Variants in SMIM13 observed in about 807,000 individuals in gnomAD.
SMIM13 encodes UPF0766 protein C6orf228.
A neutral mutation model predicts 5.9 loss-of-function variants in SMIM13; 3 were observed. The observed-to-expected ratio is 0.51, with a 90% confidence interval of 0.23 to 1.31. The LOEUF (loss-of-function observed/expected upper bound fraction) is 1.31. Among genes scored for constraint, SMIM13 ranks in the 40% most tolerant of loss-of-function variants. The pLI is 0.18. For synonymous variants in SMIM13, 55 were observed against 46.0 expected (o/e 1.19, Z -0.79); for missense variants, 85 against 109.9 (o/e 0.77, Z 1.01).
At chr6:11,113,197 CTT>C (rs1193244418) in intron 1 of SMIM13, among the ~76,000 whole-genome samples, 2 of 152,220 alleles carry the variant, frequency 1.3e-5, no homozygotes, top group Non-Finnish European at 2.9e-5. Context: ...TTTCATTTCT[CTT>C]GAGTAACTTC....
chr6:11,105,332 C>A, intron 1 of SMIM13: 2 of 1,577,806 alleles, frequency 1.3e-6, no homozygotes, highest in South Asian at 1.1e-5. Context: ...AGAAACTGGT[C>A]ACAAAACGAG....
intron 1 of SMIM13, chr6:11,104,546 T>G: frequency 6.3e-7 from 1 of 1,591,206 alleles, no homozygotes; most frequent in South Asian, 1.1e-5. Context: ...CTGCTAAGAC[T>G]TGGACGCAGG....
intron 1 of SMIM13, among the ~76,000 whole-genome samples, chr6:11,114,237 C>T (rs868694110): frequency 2.0e-5 from 3 of 152,086 alleles, no homozygotes; most frequent in South Asian, 2.1e-4. Flanking sequence ...GCCTCGCCCT[C>T]CCAAAGTGTT....
chr6:11,112,480 T>C (rs1758182620), intron 1 of SMIM13, among the ~76,000 whole-genome samples: 1 of 152,232 alleles, frequency 6.6e-6, no homozygotes, highest in Non-Finnish European at 1.5e-5. Flanking sequence ...CTTGAACTCC[T>C]GACCTCAAGT....
chr6:11,135,414 C>CAAA lies in SMIM13; in HGVS notation c.*814_*816dup, dbSNP rs1394785901. On this transcript the variant is annotated 3_prime_UTR_variant, in exon 2 of 2. Coordinates refer to ENST00000416247, the MANE Select transcript of SMIM13 (RefSeq NM_001135575.2). ...TGCAATTGAAGGCAGGAGAAGTTGC[C>CAAA]AAAACCCTAGGAATTGATGAAACAA... The CAAA allele has an allele frequency of 6.6e-6, 1 of 152,522 alleles. No homozygotes were observed. The highest frequency in any genetic ancestry group is 2.4e-5 in the African/African-American group (1 of 41,402). The allele number at this position is 152,522 out of a possible 1,614,324, so 9.4% of individuals were successfully genotyped here.
chr6:11,098,517 C>T (rs957288528), intron 1 of SMIM13, among the ~76,000 whole-genome samples: 14 of 152,214 alleles, frequency 9.2e-5, no homozygotes, highest in African/African-American at 3.4e-4. Flanking sequence ...ACTGCAACTT[C>T]TACTCCTGGG....
intron 1 of SMIM13, among the ~76,000 whole-genome samples, chr6:11,117,820 G>A (rs1322103641): frequency 2.7e-5 from 4 of 150,776 alleles, no homozygotes; most frequent in South Asian, 2.1e-4. Context: ...CAAGATCTCC[G>A]CTCACTGCGA....
intron 1 of SMIM13, among the ~76,000 whole-genome samples, chr6:11,129,498 G>T (rs888342200): frequency 6.6e-6 from 1 of 152,202 alleles, no homozygotes; most frequent in Admixed American, 6.5e-5. Flanking sequence ...GAGCATGTAT[G>T]CAGATATCTC....
Position 11,125,411 on chromosome 6 carries a change from C to T in SMIM13, c.77-8992C>T, listed in dbSNP as rs575452921. Among the ~76,000 whole-genome samples the T allele has an allele frequency of 1.9e-3, 288 of 151,522 alleles. 1 individual carries two copies. The highest frequency in any genetic ancestry group is 6.7e-3 in the African/African-American group (278 of 41,254). ...AGGAGTTTGAGACCAGCCTGGCCAA[C>T]ATGGTGAAACCCCGTCTCTACTAAA... On this transcript the variant is annotated intron_variant, in intron 1 of 1. Transcript: ENST00000416247.
At chr6:11,113,680 G>T (rs964188017) in intron 1 of SMIM13, among the ~76,000 whole-genome samples, 1 of 151,692 alleles carries the variant, frequency 6.6e-6, no homozygotes, top group South Asian at 2.1e-4. Flanking sequence ...GGTTCAAAAG[G>T]TTGCCCTGTT....
intron 1 of SMIM13, among the ~76,000 whole-genome samples, chr6:11,110,386 G>A (rs1271114148): frequency 1.3e-5 from 2 of 152,198 alleles, no homozygotes; most frequent in Non-Finnish European, 2.9e-5. Flanking sequence ...TGACCTTATA[G>A]TGACCCTTGT....
intron 1 of SMIM13, among the ~76,000 whole-genome samples, chr6:11,118,457 T>C (rs987743034): frequency 6.6e-6 from 1 of 152,196 alleles, no homozygotes; most frequent in Non-Finnish European, 1.5e-5. Flanking sequence ...TTGATTTGTT[T>C]TGAGTATCTA....
chr6:11,122,019 C>A (rs1188036930), intron 1 of SMIM13, among the ~76,000 whole-genome samples: 1 of 152,224 alleles, frequency 6.6e-6, no homozygotes. Context: ...GTCTATCCCC[C>A]ATGGGCACCC....
chr6:11,126,434 A>G (rs1295891808), intron 1 of SMIM13, among the ~76,000 whole-genome samples: 2 of 152,222 alleles, frequency 1.3e-5, no homozygotes, highest in South Asian at 2.1e-4. Flanking sequence ...ACTCTGATGC[A>G]TTCCTCAGTA....
At position 11,134,648 on chromosome 6, in the gene SMIM13, T is replaced by TAG; in HGVS notation, c.*46_*47insAG. The TAG allele has an allele frequency of 1.5e-6, 2 of 1,340,150 alleles. No homozygotes were observed. Among genetic ancestry groups the TAG allele is most frequent in the Non-Finnish European group, 2.0e-6 (2 of 1,021,700 alleles). 83.0% of individuals were successfully genotyped at this position (1,340,150 alleles called of 1,614,324 possible). A position where few individuals can be genotyped will look rare whatever the true frequency, so the allele number is the denominator to read the frequency against. ...AAAAGGCAGTTGCCAGCTTCTGTCT[T>TAG]TTACTGACTTCGCTTTGAAATTTAC... On this transcript the variant is annotated 3_prime_UTR_variant, in exon 2 of 2. Coordinates refer to ENST00000416247, the MANE Select transcript of SMIM13 (RefSeq NM_001135575.2).
At chr6:11,117,220 G>A (rs1158197759) in intron 1 of SMIM13, among the ~76,000 whole-genome samples, 1 of 143,394 alleles carries the variant, frequency 7.0e-6, no homozygotes, top group Admixed American at 6.9e-5. Flanking sequence ...CTGGAGTGCA[G>A]TGGCGGGATC....
rs539878491 is a variant in SMIM13, at chr6:11,136,158, AAC to A, written c.*1559_*1560del. Reference sequence around the variant, plus strand: ...GCTCAAGGAATGTGTTGTGGAGAAAAACACTTCTTCACAAACAATTCAGTGAC... The same window carrying A: ...GCTCAAGGAATGTGTTGTGGAGAAAAACTTCTTCACAAACAATTCAGTGAC... On this transcript the variant is annotated 3_prime_UTR_variant, in exon 2 of 2. Transcript: ENST00000416247. The A allele has an allele frequency of 6.6e-6, 1 of 152,140 alleles. No homozygotes were observed. Among genetic ancestry groups the A allele is most frequent in the African/African-American group, 2.4e-5 (1 of 41,422 alleles). The allele number at this position is 152,140 out of a possible 1,614,324, so 9.4% of individuals were successfully genotyped here. A position where few individuals can be genotyped will look rare whatever the true frequency, so the allele number is the denominator to read the frequency against.
At chr6:11,122,878 C>T (rs1181297187) in intron 1 of SMIM13, among the ~76,000 whole-genome samples, 1 of 151,966 alleles carries the variant, frequency 6.6e-6, no homozygotes, top group Non-Finnish European at 1.5e-5. Flanking sequence ...GATCTTTTTC[C>T]AGGCTGTTCC....
chr6:11,098,169 T>C (rs1473391147), intron 1 of SMIM13, among the ~76,000 whole-genome samples: 1 of 152,222 alleles, frequency 6.6e-6, no homozygotes, highest in Admixed American at 6.5e-5. Flanking sequence ...CTCCTTCACC[T>C]AGTGAATTCT....
Sources: gnomAD v4.1 joint callset for allele counts (sites outside exome capture counted in the v4.1 genomes callset) on GRCh38, gnomAD v4.1.1 for gene constraint, MANE v1.5 for transcripts, NCBI Gene and HGNC (gene_info 2026-07-23, HGNC 2026-07-21) for gene names.